The following ZNF804A variants were observed in gnomAD, a reference collection of about 807,000 sequenced individuals.
ZNF804A encodes zinc finger protein 804A.
In ZNF804A, 2 loss-of-function variants were observed where a neutral mutation model predicts 16.5. The ratio of observed to expected loss-of-function variants is 0.12; its 90% CI spans 0.05 to 0.38. The LOEUF is 0.38. Among genes scored for constraint, ZNF804A ranks in the 10% least tolerant of loss-of-function variants. ZNF804A has a pLI of 0.99. For missense variants in ZNF804A, 1,473 were observed against 1,390.7 expected (o/e 1.06, Z -0.94); for synonymous variants, 534 against 489.6 (o/e 1.09, Z -1.20).
At chr2:184,865,787 G>C (rs899140965) in intron 1 of ZNF804A, among the ~76,000 whole-genome samples, 4 of 151,904 alleles carry the variant, frequency 2.6e-5, no homozygotes, top group African/African-American at 9.7e-5. Context: ...CCGCAGAAAA[G>C]GGTTTTCTTT....
intron 1 of ZNF804A, among the ~76,000 whole-genome samples, chr2:184,730,467 A>G (rs1693495874): frequency 6.6e-6 from 1 of 152,192 alleles, no homozygotes; most frequent in Admixed American, 6.5e-5. Context: ...AATGACAGGC[A>G]TCTGCCACTG....
chr2:184,604,434 A>G (rs1227579212), intron 1 of ZNF804A, among the ~76,000 whole-genome samples: 2 of 151,760 alleles, frequency 1.3e-5, no homozygotes, highest in Non-Finnish European at 2.9e-5. Flanking sequence ...CAGCCTCCCA[A>G]ATTGCTGGGA....
chr2:184,779,363 T>G (rs1694339713), intron 1 of ZNF804A, among the ~76,000 whole-genome samples: 1 of 151,816 alleles, frequency 6.6e-6, no homozygotes, highest in Non-Finnish European at 1.5e-5. Context: ...TTATTTCTGT[T>G]GCTTCAGAGC....
intron 2 of ZNF804A, among the ~76,000 whole-genome samples, chr2:184,921,651 T>C (rs1281003760): frequency 6.6e-6 from 1 of 152,166 alleles, no homozygotes; most frequent in Non-Finnish European, 1.5e-5. Context: ...GTTACTTTTA[T>C]TTTTAAATGT....
chr2:184,618,044 A>T (rs1307233959), intron 1 of ZNF804A, among the ~76,000 whole-genome samples: 7 of 152,046 alleles, frequency 4.6e-5, no homozygotes, highest in Non-Finnish European at 8.8e-5. Flanking sequence ...AGACTTTAAC[A>T]TATGTATATT....
intron 1 of ZNF804A, among the ~76,000 whole-genome samples, chr2:184,673,074 G>A (rs927909459): frequency 4.0e-5 from 6 of 151,590 alleles, no homozygotes; most frequent in Non-Finnish European, 7.4e-5. Flanking sequence ...AAAAAAAGAT[G>A]AAGGAAAGAA....
chr2:184,919,148 A>G (rs551189735), intron 2 of ZNF804A, among the ~76,000 whole-genome samples: 4 of 152,198 alleles, frequency 2.6e-5, no homozygotes, highest in Admixed American at 1.3e-4. Context: ...TAATCCACAG[A>G]TGATAGTTTT....
intron 2 of ZNF804A, among the ~76,000 whole-genome samples, chr2:184,919,695 G>T (rs1009275425): frequency 1.3e-5 from 2 of 152,100 alleles, no homozygotes; most frequent in Non-Finnish European, 2.9e-5. Context: ...CACAGCTCAT[G>T]AACTGGTATA....
intron 2 of ZNF804A, among the ~76,000 whole-genome samples, chr2:184,898,132 T>G (rs2105825756): frequency 6.6e-6 from 1 of 152,288 alleles, no homozygotes; most frequent in African/African-American, 2.4e-5. Context: ...CATGTCAGTT[T>G]TTATTCTTGA....
intron 1 of ZNF804A, among the ~76,000 whole-genome samples, chr2:184,789,044 T>G (rs558031541): frequency 4.6e-5 from 7 of 152,198 alleles, no homozygotes; most frequent in African/African-American, 1.7e-4. Context: ...GTTTTTAGCA[T>G]GAAGTGATGG....
chr2:184,749,950 T>C (rs1456026542), intron 1 of ZNF804A, among the ~76,000 whole-genome samples: 1 of 151,390 alleles, frequency 6.6e-6, no homozygotes, highest in East Asian at 1.9e-4. Context: ...GTCAGAACAT[T>C]TTAGTGGGAT....
At position 184,703,674 on chromosome 2, in the gene ZNF804A, AG is replaced by A. The variant is rs1692965724; in HGVS notation, c.111+104605del. Among the ~76,000 whole-genome samples the A allele has an allele frequency of 3.9e-5, 5 of 128,248 alleles. No homozygotes were observed. The Admixed American group carries it at 4.8e-4, about 12-fold the overall frequency. The allele number at this position is 128,248 out of a possible 152,430, so 84.1% of individuals were successfully genotyped here. ...CACTGCACTCCAGCCTGGGCGACAGAGCAAGACTCCGGTTCAAAAAAAAAAA... is the reference window on the plus strand; with the variant it reads ...CACTGCACTCCAGCCTGGGCGACAGACAAGACTCCGGTTCAAAAAAAAAAA... On this transcript the variant is annotated intron_variant, in intron 1 of 3. Transcript: ENST00000302277.
intron 1 of ZNF804A, among the ~76,000 whole-genome samples, chr2:184,599,631 C>G (rs958208023): frequency 6.6e-5 from 10 of 152,216 alleles, no homozygotes; most frequent in African/African-American, 2.4e-4. Flanking sequence ...TTATGCTGTC[C>G]ACTTTCAGCT....
Position 184,935,805 on chromosome 2 carries a change from T to C in ZNF804A, c.409T>C (p.Phe137Leu), listed in dbSNP as rs1340647189. 2 of 1,609,468 alleles carry C rather than the reference T, an allele frequency of 1.2e-6. No homozygotes were observed. The highest frequency in any genetic ancestry group is 3.4e-5 in the Admixed American group (2 of 59,516). ...TAGTGCTCCTGGAAGTGGCCCCATG[T>C]TCAAATCAACAACTGTTACTGTGAG... ...TVCAPGSGPMFKSTTVTVREN... is the reference protein window; with the variant it reads ...TVCAPGSGPMLKSTTVTVREN... Residue 137 changes from phenylalanine to leucine, a missense_variant, in exon 4 of 4, where the codon TTC (phenylalanine) becomes CTC (leucine). By Grantham distance (22) the Phe-to-Leu change is conservative. Transcript: ENST00000302277.
intron 1 of ZNF804A, among the ~76,000 whole-genome samples, chr2:184,809,187 T>C (rs1051436800): frequency 1.3e-5 from 2 of 151,856 alleles, no homozygotes; most frequent in African/African-American, 4.8e-5. Context: ...CAATATAGGG[T>C]ATTAATTTGG....
chr2:184,801,990 A>T (rs1694734259), intron 1 of ZNF804A, among the ~76,000 whole-genome samples: 1 of 151,076 alleles, frequency 6.6e-6, no homozygotes, highest in African/African-American at 2.4e-5. Flanking sequence ...AGAGGCTTCA[A>T]ATGTCTAGCA....
At chr2:184,740,719 T>A (rs1369074019) in intron 1 of ZNF804A, among the ~76,000 whole-genome samples, 1 of 152,142 alleles carries the variant, frequency 6.6e-6, no homozygotes, top group East Asian at 1.9e-4. Context: ...ATTCAACTTA[T>A]TTCTAACTTT....
chr2:184,626,256 G>A (rs1015421670), intron 1 of ZNF804A, among the ~76,000 whole-genome samples: 1 of 152,078 alleles, frequency 6.6e-6, no homozygotes, highest in African/African-American at 2.4e-5. Flanking sequence ...TGTTTAATTA[G>A]TATTTTGAGA....
In ZNF804A at chr2:184,823,104, C is replaced by A. The variant is rs900850373; in HGVS notation, c.112-43265C>A. Among the ~76,000 whole-genome samples the A allele has an allele frequency of 4.6e-5, 7 of 152,036 alleles. 1 individual carries two copies. In the South Asian group the frequency reaches 6.2e-4, roughly 14 times the overall value. On this transcript the variant is annotated intron_variant, in intron 1 of 3. Coordinates refer to ENST00000302277, the MANE Select transcript of ZNF804A (RefSeq NM_194250.2). ...TATTGGAGGCTAGGAAGTCCAAGAT[C>A]AAACTCTAGCAGGTTTGGTATTTGG...
Sources: gnomAD v4.1 joint callset for allele counts (sites outside exome capture counted in the v4.1 genomes callset) on GRCh38, gnomAD v4.1.1 for gene constraint, MANE v1.5 for transcripts, NCBI Gene and HGNC (gene_info 2026-07-23, HGNC 2026-07-21) for gene names.